ITGBL1: variants seen among roughly 807,000 people sequenced by gnomAD.
The protein encoded by ITGBL1 is integrin subunit beta like 1, also known as integrin beta-like protein 1.
In ITGBL1, 51 loss-of-function variants were observed where a neutral mutation model predicts 68.5. The ratio of observed to expected loss-of-function variants is 0.74; its 90% CI spans 0.59 to 0.94. The LOEUF is 0.94. ITGBL1 is among the 40% of genes least tolerant of loss of function. The pLI is 0.00. For synonymous variants in ITGBL1, 209 were observed against 227.3 expected, an observed-to-expected ratio of 0.92 and a Z score of 0.72; for missense variants, 649 against 647.4, an observed-to-expected ratio of 1.00 and a Z score of -0.03.
At chr13:101,689,618 A>C (rs552795043) in intron 7 of ITGBL1, among the ~76,000 whole-genome samples, 285 of 152,144 alleles carry the variant, frequency 1.9e-3, no homozygotes, top group African/African-American at 6.3e-3. Context: ...AAAAAAACCC[A>C]AAAAAATATG....
downstream of ITGBL1, chr13:101,719,335 C>CTATT (rs1322612477): frequency 5.3e-5 from 8 of 152,024 alleles, no homozygotes; most frequent in Admixed American, 2.0e-4. Flanking sequence ...AAGAGGCAAA[C>CTATT]TATTAGAAGA....
chr13:101,524,568 A>G (rs995372389), intron 2 of ITGBL1, among the ~76,000 whole-genome samples: 6 of 151,182 alleles, frequency 4.0e-5, no homozygotes, highest in African/African-American at 1.5e-4. Context: ...TGTTTGTGTA[A>G]TTATTTAATT....
At chr13:101,676,220 G>A (rs2033499224) in intron 7 of ITGBL1, among the ~76,000 whole-genome samples, 1 of 151,684 alleles carries the variant, frequency 6.6e-6, no homozygotes, top group South Asian at 2.1e-4. Context: ...CATTTTTGTT[G>A]TTGTTGTTGG....
downstream of ITGBL1, chr13:101,720,308 T>TAAAC (rs899554106): frequency 2.0e-5 from 3 of 152,084 alleles, no homozygotes; most frequent in East Asian, 1.9e-4. Flanking sequence ...GCAATATGTC[T>TAAAC]AAACATATAT....
rs749041984 is a variant in ITGBL1, at chr13:101,575,402, CTT to C, written c.464-17_464-16del. The C allele has an allele frequency of 7.1e-5, 114 of 1,605,150 alleles. No homozygotes were observed. Among genetic ancestry groups the C allele is most frequent in the African/African-American group, 9.4e-5 (7 of 74,516 alleles). On this transcript the variant is annotated intron_variant, in intron 3 of 10. Transcript: ENST00000376180. The stretch of plus-strand genomic sequence containing the variant: ...ATTTTATGTGCATGTAACAAACAGT[CTT>C]TTTTGTTTTCATGGTTTAGGTACAT...
intron 2 of ITGBL1, among the ~76,000 whole-genome samples, chr13:101,529,896 C>T (rs1398413091): frequency 6.6e-6 from 1 of 152,002 alleles, no homozygotes; most frequent in Non-Finnish European, 1.5e-5. Flanking sequence ...TTCTTTTTGG[C>T]AGTGTGAAAA....
At chr13:101,629,041 A>G (rs774189079) in intron 7 of ITGBL1, among the ~76,000 whole-genome samples, 6 of 152,176 alleles carry the variant, frequency 3.9e-5, no homozygotes, top group Non-Finnish European at 8.8e-5. Context: ...CAAATTATAG[A>G]AAAAGAAAAT....
At chr13:101,632,399 A>G (rs1158794439) in intron 7 of ITGBL1, among the ~76,000 whole-genome samples, 2 of 152,210 alleles carry the variant, frequency 1.3e-5, no homozygotes, top group African/African-American at 2.4e-5. Context: ...AAGAGCCTGA[A>G]AAGCACCAAT....
intron 2 of ITGBL1, among the ~76,000 whole-genome samples, chr13:101,528,053 T>C (rs2049409701): frequency 6.6e-6 from 1 of 151,910 alleles, no homozygotes. Flanking sequence ...TTTTCTTTAA[T>C]GGCTCATATG....
chr13:101,517,349 C>T (rs1011346124), intron 2 of ITGBL1, among the ~76,000 whole-genome samples: 2 of 152,036 alleles, frequency 1.3e-5, no homozygotes, highest in African/African-American at 4.8e-5. Flanking sequence ...GACTTTAAGA[C>T]CTCTCAAAAA....
At chr13:101,630,565 A>G (rs2031944115) in intron 7 of ITGBL1, among the ~76,000 whole-genome samples, 1 of 152,200 alleles carries the variant, frequency 6.6e-6, no homozygotes, top group South Asian at 2.1e-4. Flanking sequence ...CACATCTGGT[A>G]CTGTTGCACT....
At chr13:101,480,553 A>G (rs1380885969) in intron 2 of ITGBL1, among the ~76,000 whole-genome samples, 2 of 152,054 alleles carry the variant, frequency 1.3e-5, no homozygotes, top group East Asian at 3.8e-4. Flanking sequence ...AATAAATGAT[A>G]AGTGCTTGAG....
intron 7 of ITGBL1, among the ~76,000 whole-genome samples, chr13:101,676,727 C>A (rs1460782647): frequency 6.6e-6 from 1 of 152,050 alleles, no homozygotes; most frequent in Non-Finnish European, 1.5e-5. Flanking sequence ...TTATTTCTTA[C>A]AACAGAGACA....
At chr13:101,522,577 T>C (rs568959467) in intron 2 of ITGBL1, among the ~76,000 whole-genome samples, 2 of 152,278 alleles carry the variant, frequency 1.3e-5, no homozygotes, top group South Asian at 2.1e-4. Context: ...GGGAGACTTA[T>C]CAAGTAGATT....
intron 8 of ITGBL1, among the ~76,000 whole-genome samples, chr13:101,696,511 G>A (rs1447797752): frequency 6.6e-6 from 1 of 151,982 alleles, no homozygotes; most frequent in Non-Finnish European, 1.5e-5. Context: ...ATATCCCTTG[G>A]GTATGTTAGT....
At chr13:101,697,681 C>G (rs1026081039) in intron 8 of ITGBL1, among the ~76,000 whole-genome samples, 1 of 152,070 alleles carries the variant, frequency 6.6e-6, no homozygotes, top group Admixed American at 6.6e-5. Context: ...TTTGTTTGAC[C>G]TGTCTACCTT....
chr13:101,708,988 C>A (rs1441177720), intron 9 of ITGBL1, among the ~76,000 whole-genome samples: 1 of 152,210 alleles, frequency 6.6e-6, no homozygotes, highest in Admixed American at 6.5e-5. Context: ...ACCTTGAATT[C>A]AAGCTGTGTT....
At chr13:101,493,988 G>T (rs1594845156) in intron 2 of ITGBL1, among the ~76,000 whole-genome samples, 2 of 152,164 alleles carry the variant, frequency 1.3e-5, no homozygotes, top group East Asian at 1.9e-4. Context: ...CACATACTTA[G>T]GTTTGTCCTT....
At chr13:101,584,777 T>A (rs942999) in intron 6 of ITGBL1, among the ~76,000 whole-genome samples, 4,223 of 151,894 alleles carry the variant, frequency 0.028, 84 homozygotes, top group Non-Finnish European at 0.043. Flanking sequence ...AGTGAGTGGC[T>A]TCTGTGTTCC....
Sources: gnomAD v4.1 joint callset for allele counts (sites outside exome capture counted in the v4.1 genomes callset) on GRCh38, gnomAD v4.1.1 for gene constraint, MANE v1.5 for transcripts, NCBI Gene and HGNC (gene_info 2026-07-23, HGNC 2026-07-21) for gene names.